Variants in CREM observed in about 807,000 individuals in gnomAD.
CREM encodes cAMP responsive element modulator.
In CREM, 13 loss-of-function variants were observed where a neutral mutation model predicts 37.3. The observed-to-expected ratio is 0.35, with a 90% CI of 0.23 to 0.55. CREM has a LOEUF of 0.55. CREM is among the 20% of genes least tolerant of loss of function. CREM has a pLI of 0.88. For synonymous variants in CREM, 124 were observed against 120.2 expected (o/e 1.03, Z -0.21); for missense variants, 296 against 362.3 (o/e 0.82, Z 1.49).
intron 3 of CREM, among the ~76,000 whole-genome samples, chr10:35,176,393 T>A (rs1202241985): frequency 2.6e-5 from 4 of 151,662 alleles, no homozygotes; most frequent in African/African-American, 9.7e-5. Flanking sequence ...CTGATGCTGT[T>A]TTCTTTTTTT....
chr10:35,162,869 C>T (rs1040417562), intron 3 of CREM, among the ~76,000 whole-genome samples: 2 of 152,114 alleles, frequency 1.3e-5, no homozygotes, highest in African/African-American at 2.4e-5. Context: ...ACACTTTCTT[C>T]GGGCACCAGC....
intron 6 of CREM, among the ~76,000 whole-genome samples, chr10:35,199,755 T>G (rs1023017125): frequency 6.6e-6 from 1 of 152,160 alleles, no homozygotes; most frequent in African/African-American, 2.4e-5. Context: ...CATAGCATAT[T>G]AATGTGACTC....
At chr10:35,185,525 A>G (rs2094521390) in intron 5 of CREM, among the ~76,000 whole-genome samples, 1 of 152,238 alleles carries the variant, frequency 6.6e-6, no homozygotes, top group Admixed American at 6.5e-5. Context: ...ATATGAAAAC[A>G]TACACAATTT....
At chr10:35,185,429 TG>T (rs1185404042) in intron 5 of CREM, among the ~76,000 whole-genome samples, 3 of 152,170 alleles carry the variant, frequency 2.0e-5, no homozygotes, top group African/African-American at 7.2e-5. Flanking sequence ...TAATACACTG[TG>T]GTTACCTGAC....
intron 3 of CREM, among the ~76,000 whole-genome samples, chr10:35,156,722 T>A (rs1005330684): frequency 6.6e-6 from 1 of 152,192 alleles, no homozygotes; most frequent in African/African-American, 2.4e-5. Flanking sequence ...TGTAGCCCTA[T>A]CAGAGATAAA....
chr10:35,156,610 C>T (rs927755174), intron 3 of CREM, among the ~76,000 whole-genome samples: 1 of 152,200 alleles, frequency 6.6e-6, no homozygotes, highest in Non-Finnish European at 1.5e-5. Flanking sequence ...AAATCCCAGA[C>T]TATTAAGAAT....
chr10:35,195,240 A>G, intron 6 of CREM: 1 of 1,613,550 alleles, frequency 6.2e-7, no homozygotes, highest in Non-Finnish European at 8.5e-7. Context: ...AGGGGTTTTC[A>G]GTTAATTGTG....
At position 35,132,150 on chromosome 10, in the gene CREM, G is replaced by A. The variant is rs970677547; in HGVS notation, c.-55+4957G>A. Among the ~76,000 whole-genome samples, 10 of 149,242 alleles carry A rather than the reference G, an allele frequency of 6.7e-5. No individual in the cohort carries two copies. In the South Asian group the frequency reaches 1.1e-3, roughly 16 times the overall value. On this transcript the variant is annotated intron_variant, in intron 1 of 7. Coordinates refer to ENST00000685392, the MANE Select transcript of CREM (RefSeq NM_183011.2). ...CGGGAGTTGGAGGTTGCAGTGAGCC[G>A]AGATCGTGCTACTGCACTCCATCCT...
intron 2 of CREM, among the ~76,000 whole-genome samples, chr10:35,140,482 A>T (rs1041896734): frequency 1.3e-5 from 2 of 152,172 alleles, no homozygotes; most frequent in African/African-American, 4.8e-5. Context: ...TTATTATTAT[A>T]ATAACACCTG....
At chr10:35,162,193 C>G (rs2093333317) in intron 3 of CREM, among the ~76,000 whole-genome samples, 3 of 152,196 alleles carry the variant, frequency 2.0e-5, no homozygotes, top group South Asian at 2.1e-4. Flanking sequence ...ACTGCATGCT[C>G]TCACTCATGT....
At chr10:35,196,395 T>A in intron 6 of CREM, 1 of 410,260 alleles carries the variant, frequency 2.4e-6, no homozygotes. Flanking sequence ...GTGCTTGCAG[T>A]GTTGTTTATT....
At position 35,211,816 on chromosome 10, in the gene CREM, A is replaced by G. The variant is rs1336650569; in HGVS notation, c.*418A>G. The G allele has an allele frequency of 1.9e-6, 3 of 1,597,524 alleles. No individual in the cohort carries two copies. Among genetic ancestry groups the G allele is most frequent in the African/African-American group, 1.3e-5 (1 of 74,118 alleles). On this transcript the variant is annotated 3_prime_UTR_variant, in exon 8 of 8. Coordinates refer to ENST00000685392, the MANE Select transcript of CREM (RefSeq NM_183011.2). ...AACAGATTACTAGAAATATTTAACTATGAACTGAAGGCAGCATGTATAGTT... is the reference window on the plus strand; with the variant it reads ...AACAGATTACTAGAAATATTTAACTGTGAACTGAAGGCAGCATGTATAGTT...
chr10:35,145,092 C>T (rs528213112), intron 2 of CREM, among the ~76,000 whole-genome samples: 12 of 140,688 alleles, frequency 8.5e-5, no homozygotes, highest in Admixed American at 3.1e-4. Flanking sequence ...ACCCAGGAGG[C>T]GGAGGTTGCA....
intron 5 of CREM, among the ~76,000 whole-genome samples, chr10:35,187,063 AAT>A (rs1234880643): frequency 2.0e-4 from 14 of 69,914 alleles, no homozygotes; most frequent in Non-Finnish European, 3.0e-4. Context: ...TAATATATAT[AAT>A]TAATATAATA....
At chr10:35,139,384 T>G (rs2091111508) in intron 2 of CREM, among the ~76,000 whole-genome samples, 1 of 152,208 alleles carries the variant, frequency 6.6e-6, no homozygotes. Context: ...CCTCCCAAAG[T>G]GCTGGGATTA....
chr10:35,165,546 A>G (rs2093510407), intron 3 of CREM, among the ~76,000 whole-genome samples: 1 of 152,110 alleles, frequency 6.6e-6, no homozygotes, highest in Admixed American at 6.6e-5. Context: ...TCTTACTGCA[A>G]ATTCTTTATG....
intron 3 of CREM, chr10:35,175,888 C>T: frequency 1.3e-6 from 2 of 1,559,278 alleles, no homozygotes; most frequent in South Asian, 1.2e-5. Context: ...GAAGAGGCTC[C>T]CCAGCTGTAA....
At chr10:35,150,589 A>G (rs566356210) in intron 3 of CREM, among the ~76,000 whole-genome samples, 73 of 152,292 alleles carry the variant, frequency 4.8e-4, no homozygotes, top group Non-Finnish European at 7.5e-4. Flanking sequence ...TGGGAGGCCA[A>G]AGCAGGTGGA....
At chr10:35,147,629 A>G (rs950656890) in intron 2 of CREM, among the ~76,000 whole-genome samples, 1 of 152,172 alleles carries the variant, frequency 6.6e-6, no homozygotes, top group Non-Finnish European at 1.5e-5. Context: ...ACGATGGGGA[A>G]ATTCCTTCAC....
Sources: allele counts gnomAD v4.1 joint callset (sites outside exome capture counted in the v4.1 genomes callset), GRCh38; gene constraint gnomAD v4.1.1; transcripts MANE v1.5; gene names NCBI Gene and HGNC (gene_info 2026-07-23, HGNC 2026-07-21).